Variants in NDUFAF6 observed in about 807,000 individuals in gnomAD.
NDUFAF6 encodes the protein NADH:ubiquinone oxidoreductase complex assembly factor 6.
A neutral mutation model predicts 40.8 loss-of-function variants in NDUFAF6; 45 were observed. The ratio of observed to expected loss-of-function variants is 1.10; its 90% CI spans 0.87 to 1.42. NDUFAF6 has a LOEUF of 1.42. Among genes scored for constraint, NDUFAF6 ranks in the 40% most tolerant of loss-of-function variants. The pLI, the probability that NDUFAF6 is intolerant of heterozygous loss-of-function variation, is 0.00. For missense variants in NDUFAF6, 435 were observed against 418.5 expected (o/e 1.04, Z -0.34); for synonymous variants, 185 against 155.9 (o/e 1.19, Z -1.39).
chr8:94,963,151 G>GGCTCTCTATTACCTGCAGCCAA (rs1823738804), intron 1 of NDUFAF6, among the ~76,000 whole-genome samples: 1 of 152,130 alleles, frequency 6.6e-6, no homozygotes. Flanking sequence ...ACTGCAGTCA[G>GGCTCTCTATTACCTGCAGCCAA]GCTCTCTATT....
intron 1 of NDUFAF6, among the ~76,000 whole-genome samples, chr8:94,933,721 C>T (rs986676304): frequency 7.9e-5 from 12 of 151,054 alleles, no homozygotes; most frequent in African/African-American, 2.0e-4. Flanking sequence ...GCTGAGATCG[C>T]GCCACTGCAC....
At chr8:95,102,259 G>C (rs930463395) in intron 2 of NDUFAF6, among the ~76,000 whole-genome samples, 35 of 152,194 alleles carry the variant, frequency 2.3e-4, no homozygotes, top group African/African-American at 8.4e-4. Flanking sequence ...GTCCCCCAAA[G>C]TGCTGAAATT....
upstream of NDUFAF6, among the ~76,000 whole-genome samples, chr8:95,097,180 A>G (rs1041360471): frequency 1.3e-5 from 2 of 152,258 alleles, no homozygotes; most frequent in African/African-American, 2.4e-5. Flanking sequence ...AATTACCAAA[A>G]TACATGATGC....
chr8:95,066,226 C>G (rs1384254349), intron 9 of NDUFAF6, among the ~76,000 whole-genome samples: 2 of 151,794 alleles, frequency 1.3e-5, no homozygotes, highest in African/African-American at 4.8e-5. Context: ...ATCCTCCCAC[C>G]TCAGCCTCCC....
At chr8:95,062,147 A>T (rs979916723), downstream of NDUFAF6, among the ~76,000 whole-genome samples, 1 of 148,064 alleles carries the variant, frequency 6.8e-6, no homozygotes, top group Non-Finnish European at 1.5e-5. Flanking sequence ...GGCGACAGAG[A>T]CCGTGGCTCA....
intron 2 of NDUFAF6, among the ~76,000 whole-genome samples, chr8:95,016,928 CCTCTT>C (rs1040610559): frequency 2.3e-5 from 3 of 131,908 alleles, no homozygotes; most frequent in African/African-American, 5.7e-5. Context: ...TCCTCCTCCT[CCTCTT>C]TTTTTTTTTT....
chr8:94,970,314 T>C (rs17665714), intron 1 of NDUFAF6, among the ~76,000 whole-genome samples: 19,630 of 151,146 alleles, frequency 0.13, 1,600 homozygotes, highest in Middle Eastern at 0.23. Context: ...TTTCAACTAT[T>C]GAATTAGCAA....
chr8:94,912,373 G>A (rs2131228328), intron 1 of NDUFAF6, among the ~76,000 whole-genome samples: 1 of 152,296 alleles, frequency 6.6e-6, no homozygotes, highest in East Asian at 1.9e-4. Context: ...AAATATGTAT[G>A]TATACAAAAC....
At chr8:94,902,990 C>G (rs1818127135) in intron 1 of NDUFAF6, among the ~76,000 whole-genome samples, 1 of 152,174 alleles carries the variant, frequency 6.6e-6, no homozygotes, top group South Asian at 2.1e-4. Flanking sequence ...GCGTGAGCCA[C>G]TGTGCCCAGC....
intron 1 of NDUFAF6, among the ~76,000 whole-genome samples, chr8:94,920,471 A>G (rs1184868848): frequency 1.3e-5 from 2 of 152,194 alleles, no homozygotes; most frequent in Non-Finnish European, 1.5e-5. Flanking sequence ...TTATAAGGAC[A>G]TTAATTTCAT....
intron 7 of NDUFAF6, among the ~76,000 whole-genome samples, chr8:95,050,850 G>A (rs1037374115): frequency 3.9e-5 from 6 of 152,130 alleles, no homozygotes; most frequent in Non-Finnish European, 8.8e-5. Flanking sequence ...AATCCCACAC[G>A]TAACAAGGCT....
upstream of NDUFAF6, among the ~76,000 whole-genome samples, chr8:95,099,585 TA>T (rs201942320): frequency 6.7e-6 from 1 of 148,670 alleles, no homozygotes. Flanking sequence ...ATCTCAAAAT[TA>T]AAAAAAAAGA....
At chr8:95,010,664 A>C (rs1157493071) in intron 2 of NDUFAF6, among the ~76,000 whole-genome samples, 1 of 152,236 alleles carries the variant, frequency 6.6e-6, no homozygotes, top group Non-Finnish European at 1.5e-5. Flanking sequence ...CTCAGAGAAC[A>C]ACTGGCAGCT....
chr8:94,948,626 C>G (rs1372524446), intron 2 of NDUFAF6, among the ~76,000 whole-genome samples: 3 of 152,062 alleles, frequency 2.0e-5, no homozygotes, highest in Non-Finnish European at 4.4e-5. Flanking sequence ...GATCGCAGGG[C>G]GGGGACAGAG....
rs1285881989 is a variant in NDUFAF6 at position 95,005,550 on chromosome 8, TATAA to T, written c.-84+24579_-84+24582del. On this transcript the variant is annotated intron_variant, in intron 2 of 9. Coordinates refer to the NDUFAF6 transcript ENST00000396111. ...AAATATATATATATATATATATATATATAAAAAATATATTAACATAAATAATATA... is the reference window on the plus strand; with the variant it reads ...AAATATATATATATATATATATATATAAAATATATTAACATAAATAATATA... Among the ~76,000 whole-genome samples the T allele has an allele frequency of 4.8e-3, 541 of 113,354 alleles. 24 individuals are homozygous for T. Among genetic ancestry groups the T allele is most frequent in the Middle Eastern group, 0.011 (2 of 174 alleles). The allele number at this position is 113,354 out of a possible 152,430, so 74.4% of individuals were successfully genotyped here.
chr8:94,936,552 TC>T (rs1820995393), intron 1 of NDUFAF6, among the ~76,000 whole-genome samples: 1 of 152,180 alleles, frequency 6.6e-6, no homozygotes, highest in South Asian at 2.1e-4. Flanking sequence ...CACGCTGTTT[TC>T]CTAGCGATGA....
chr8:95,038,804 A>G (rs1335579244), intron 3 of NDUFAF6, among the ~76,000 whole-genome samples: 1 of 151,798 alleles, frequency 6.6e-6, no homozygotes. Context: ...CAGCCTCCGG[A>G]GTAGCTGGGA....
intron 2 of NDUFAF6, among the ~76,000 whole-genome samples, chr8:95,092,578 C>CTTTTTT (rs528845192): frequency 1.3e-5 from 1 of 77,818 alleles, no homozygotes; most frequent in Non-Finnish European, 2.2e-5. Flanking sequence ...CTCACGAAGC[C>CTTTTTT]TTTTTTTTTT....
chr8:95,079,787 C>T (rs1364288654), downstream of NDUFAF6, among the ~76,000 whole-genome samples: 1 of 151,506 alleles, frequency 6.6e-6, no homozygotes, highest in Non-Finnish European at 1.5e-5. Context: ...CAATCTCGGC[C>T]CATTGCAACC....
Sources: gnomAD v4.1 joint callset for allele counts (sites outside exome capture counted in the v4.1 genomes callset) on GRCh38, gnomAD v4.1.1 for gene constraint, MANE v1.5 for transcripts, NCBI Gene and HGNC (gene_info 2026-07-23, HGNC 2026-07-21) for gene names.